MYH6: variants seen among roughly 807,000 people sequenced by gnomAD.
MYH6 encodes the protein myosin-6.
Under a neutral mutation model 223.2 loss-of-function variants are expected in MYH6, and 126 were observed. The ratio of observed to expected loss-of-function variants is 0.56; its 90% CI spans 0.49 to 0.65. MYH6 has a LOEUF of 0.65. Among genes scored for constraint, MYH6 ranks in the 30% least tolerant of loss-of-function variants. The pLI is 0.00. For missense variants in MYH6, 2,040 were observed against 2,536.4 expected (o/e 0.80, Z 4.20); for synonymous variants, 978 against 1,010.2 (o/e 0.97, Z 0.61).
At position 23,405,049 on chromosome 14, in the gene MYH6, C is replaced by T. The variant is rs375679106; in HGVS notation, c.530+51G>A. On this transcript the variant is annotated intron_variant, in intron 6 of 38. Coordinates refer to ENST00000405093, the MANE Select transcript of MYH6 (RefSeq NM_002471.4). This position sits in a 1 kb window ranked among gnomAD's most constrained non-coding sequence, Gnocchi z 4.7. ...CTCCCAACTACACCCTAGGCATCAG[C>T]GTGTATGCCCCCAGCCCAGTCCCTT... The T allele has an allele frequency of 4.1e-4, 660 of 1,612,346 alleles. 9 individuals are homozygous for T. The highest frequency in any genetic ancestry group is 4.0e-3 in the South Asian group (365 of 91,004).
At position 23,398,704 on chromosome 14, in the gene MYH6, C is replaced by T. The variant is rs746970747; in HGVS notation, c.1891+24G>A. ...TTTGTGTCTTCAGAAGTCCCCTGGC[C>T]CAGTGCAGGGGCTGCCTGCTTACCA... On this transcript the variant is annotated intron_variant, in intron 15 of 38. Coordinates refer to ENST00000405093, the MANE Select transcript of MYH6 (RefSeq NM_002471.4). 2.9e-5 allele frequency: 47 copies of T among 1,613,228 alleles called. 1 individual carries two copies. In the South Asian group the frequency reaches 4.5e-4, roughly 15 times the overall value.
rs765849175 is a variant in MYH6, at chr14:23,382,534, T to C, written c.5690A>G (p.Lys1897Arg). 13 of 1,614,176 alleles carry C rather than the reference T, an allele frequency of 8.1e-6. No homozygotes were observed. The Admixed American group carries it at 2.2e-4, about 27-fold the overall frequency. Residue 1897 changes from lysine to arginine, a missense_variant, in exon 38 of 39, where the codon AAG becomes AGG. Coordinates refer to ENST00000405093, the MANE Select transcript of MYH6 (RefSeq NM_002471.4). The stretch of plus-strand genomic sequence containing the variant: ...CAGCTCATGCTGCACCTTGCGGAAC[T>C]TGGACAGGTTGGTGTTGGCTTGCTC... ...AEEQANTNLS[K>R]FRKVQHELDE...
Position 23,405,222 on chromosome 14 carries a change from C to G in MYH6, c.502+1G>C, listed in dbSNP as rs1161616877. On this transcript the variant is annotated splice_donor_variant, in intron 5 of 38. Coordinates refer to ENST00000405093, the MANE Select transcript of MYH6 (RefSeq NM_002471.4). LOFTEE classifies it high-confidence loss of function. The surrounding 1 kb of genome is among the most constrained non-coding windows in gnomAD (Gnocchi z 4.7). ...CAGAGACCAGGGGCCACCAGGCTCA[C>G]CTGTCAGCATGTACTGATAGGCGTT... 2 of 1,614,052 alleles carry G rather than the reference C, an allele frequency of 1.2e-6. No homozygotes were observed. Among genetic ancestry groups the G allele is most frequent in the South Asian group, 1.1e-5 (1 of 91,082 alleles).
intron 20 of MYH6, 30 bp from the exon 21 acceptor site, chr14:23,394,353 G>T (rs768153134): frequency 1.9e-6 from 3 of 1,613,858 alleles, no homozygotes. Context: ...GCAGGGTGGG[G>T]CACTATAAAA....
chr14:23,382,674 A>G, intron 37 of MYH6, 112 bp from the exon 38 acceptor site: 2 of 1,484,744 alleles, frequency 1.3e-6, no homozygotes, highest in South Asian at 1.1e-5. Context: ...TACCTCATGC[A>G]TATTCCTGCA....
chr14:23,388,818 T>C, intron 29 of MYH6, 41 bp downstream of exon 29: 1 of 1,613,960 alleles, frequency 6.2e-7, no homozygotes, highest in Non-Finnish European at 8.5e-7. Flanking sequence ...TCTCGCCCCT[T>C]CCTCTCTGAG....
Position 23,389,718 on chromosome 14 carries a change from G to A in MYH6, c.3734C>T (p.Ala1245Val). Residue 1245 changes from alanine (A) to valine (V), a missense_variant and splice_region_variant, in exon 27 of 39, where the codon GCA becomes GTA. Ala to Val is a moderately conservative substitution (Grantham distance 64, BLOSUM62 0). This residue lies in a region of MYH6 where 1,203 missense variants were observed against 1,400.2 expected (regional missense o/e 0.86). Coordinates refer to ENST00000405093, the MANE Select transcript of MYH6 (RefSeq NM_002471.4). ...SNMEQIIKAK[A>V]NLEKVSRTLE... ...CGTCCGAGACACTTTCTCCAGGTTT[G>A]CCTTCAGGAAGCAAGACAGGAAGGG... The A allele has an allele frequency of 6.2e-7, 1 of 1,614,148 alleles. No homozygotes were observed.
rs550596786 is a variant in MYH6 at position 23,405,546 on chromosome 14, C to T, written c.345+81G>A. ...TTGGGTCCCTTGGGAGTCTCTCCCCCTCTTCTTGGGAGAGCCCCCCTGGCT... is the reference window on the plus strand; with the variant it reads ...TTGGGTCCCTTGGGAGTCTCTCCCCTTCTTCTTGGGAGAGCCCCCCTGGCT... On this transcript the variant is annotated intron_variant, in intron 4 of 38. Transcript: ENST00000405093. The surrounding 1 kb of genome is among the most constrained non-coding windows in gnomAD (Gnocchi z 4.7). 8.4e-5 allele frequency: 135 copies of T among 1,605,274 alleles called. No homozygotes were observed. The South Asian group carries it at 8.8e-4, about 11-fold the overall frequency.
At chr14:23,387,726 C>G (rs1891076426) in intron 31 of MYH6, 32 bp downstream of exon 31, 1 of 1,614,174 alleles carries the variant, frequency 6.2e-7, no homozygotes, top group Non-Finnish European at 8.5e-7. Context: ...CTCCCACCAA[C>G]TCATCTCTGG....
chr14:23,385,078 T>C, intron 34 of MYH6, 37 bp from the exon 35 acceptor site: 1 of 1,612,664 alleles, frequency 6.2e-7, no homozygotes, highest in Non-Finnish European at 8.5e-7. Flanking sequence ...AAATATATAC[T>C]ACACTTTGTT....
chr14:23,384,811 C>G lies in MYH6; in HGVS notation c.5290-94G>C, dbSNP rs1890970482. On this transcript the variant is annotated intron_variant, in intron 35 of 38. Transcript: ENST00000405093. ...CCTTTCTCCCATCAGGCCCTCAAATCCACAGAACTGCAGAGTTGGCTTGGT... is the reference window on the plus strand; with the variant it reads ...CCTTTCTCCCATCAGGCCCTCAAATGCACAGAACTGCAGAGTTGGCTTGGT... 1.9e-5 allele frequency: 31 copies of G among 1,613,368 alleles called. No homozygotes were observed. In the South Asian group the frequency reaches 3.4e-4, roughly 18 times the overall value.
In MYH6 at chr14:23,407,298, T is replaced by G. The variant is rs1891821497; in HGVS notation, c.-13-62A>C. The G allele has an allele frequency of 6.3e-7, 1 of 1,586,616 alleles. No individual in the cohort carries two copies. The highest frequency in any genetic ancestry group is 1.3e-5 in the African/African-American group (1 of 74,488). ...GGAGCCCAGGCTCCAGCGAGTGGCT[T>G]TGTCCTCTGCAGCCCCCCTCCCTAC... On this transcript the variant is annotated intron_variant, in intron 2 of 38. Coordinates refer to ENST00000405093, the MANE Select transcript of MYH6 (RefSeq NM_002471.4). The surrounding 1 kb of genome is among the most constrained non-coding windows in gnomAD (Gnocchi z 5.6).
chr14:23,396,909 C>A lies in MYH6; in HGVS notation c.2168+54G>T. On this transcript the variant is annotated intron_variant, in intron 18 of 38. Transcript: ENST00000405093. ...GGTCACCTGCAGATCCCATTCCCAT[C>A]AGGGCAGCCTGGCTCCCCCTGTTCT... The A allele has an allele frequency of 1.9e-6, 3 of 1,612,516 alleles. No individual in the cohort carries two copies. The Admixed American group carries it at 5.0e-5, about 27-fold the overall frequency.
Position 23,402,494 on chromosome 14 carries a change from C to T in MYH6, c.1111G>A (p.Glu371Lys). 1 of 1,613,632 alleles carries T rather than the reference C, an allele frequency of 6.2e-7. No homozygotes were observed. The highest frequency in any genetic ancestry group is 8.5e-7 in the Non-Finnish European group (1 of 1,179,984). Reference sequence around the variant, plus strand: ...GTGCCGTCTGGCTCCGCCTGCTCCTCCCGCTGCTTCTGCTTGAACTTCATG... The same window carrying T: ...GTGCCGTCTGGCTCCGCCTGCTCCTTCCGCTGCTTCTGCTTGAACTTCATG... ...GNMKFKQKQR[E>K]EQAEPDGTED... The change falls in exon 12 of 39, where the codon GAG becomes AAG. Residue 371 changes from glutamate to lysine, a missense_variant. Transcript: ENST00000405093.
At chr14:23,399,109 G>C in intron 14 of MYH6, 72 bp from the exon 15 acceptor site, 1 of 1,574,330 alleles carries the variant, frequency 6.4e-7, no homozygotes. Context: ...CCCATACCCT[G>C]ACAGGAAAAG....
rs1287755517 is a variant in MYH6, at chr14:23,402,819, G to A, written c.899-19C>T. ...AGCATGTCTGCACCAGGCAAGGGGT[G>A]AGGCAGGGGCAAGGGGGCAGGCGGA... On this transcript the variant is annotated intron_variant, in intron 10 of 38. Transcript: ENST00000405093. 2.5e-6 allele frequency: 4 copies of A among 1,607,372 alleles called. No homozygotes were observed. In the South Asian group the frequency reaches 4.4e-5, roughly 18 times the overall value.
chr14:23,389,281 G>T, intron 28 of MYH6, 112 bp downstream of exon 28: 1 of 1,295,766 alleles, frequency 7.7e-7, no homozygotes, highest in Non-Finnish European at 1.1e-6. Flanking sequence ...CTAGACTGGA[G>T]GGTCTTTCCC....
intron 20 of MYH6, among the ~76,000 whole-genome samples, chr14:23,395,619 C>T (rs943074808): frequency 7.9e-5 from 12 of 152,094 alleles, no homozygotes; most frequent in African/African-American, 1.9e-4. Context: ...CTCTGCCTCC[C>T]GGGCTCATGC....
In MYH6 at chr14:23,392,567, T is replaced by C; in HGVS notation, c.3337A>G (p.Asn1113Asp). ...ALQLQKKLKE[N>D]QARIEELEEE... The stretch of plus-strand genomic sequence containing the variant: ...GCACTGGGAAAAAAAGTCACCTGGT[T>C]TTCCTTCAGTTTCTTCTGTAGTTGA... The change falls in exon 25 of 39, where the codon AAC becomes GAC. Residue 1113 changes from asparagine to aspartate, a missense_variant. By Grantham distance (23) the Asn-to-Asp change is conservative. This residue lies in a region of MYH6 where 1,203 missense variants were observed against 1,400.2 expected (regional missense o/e 0.86). Transcript: ENST00000405093. The C allele has an allele frequency of 6.2e-7, 1 of 1,612,090 alleles. No individual in the cohort carries two copies. Among genetic ancestry groups the C allele is most frequent in the South Asian group, 1.1e-5 (1 of 91,024 alleles).
Sources: allele counts gnomAD v4.1 joint callset (sites outside exome capture counted in the v4.1 genomes callset), GRCh38; gene constraint gnomAD v4.1.1; regional missense constraint gnomAD v4.1.1; non-coding constraint Gnocchi (gnomAD v3.1); transcripts MANE v1.5; gene names NCBI Gene and HGNC (gene_info 2026-07-23, HGNC 2026-07-21).